LDB3: variants seen among roughly 807,000 people sequenced by gnomAD.
LDB3 encodes the protein LIM domain binding 3, also known as LIM domain-binding protein 3.
In LDB3, 49 loss-of-function variants were observed where a neutral mutation model predicts 69.0. The ratio of observed to expected loss-of-function variants is 0.71; its 90% CI spans 0.56 to 0.90. LDB3 has a LOEUF of 0.90. Ranked by LOEUF, LDB3 falls within the 40% of genes least tolerant of loss-of-function variation. The probability of loss-of-function intolerance (pLI) is 0.00; values close to 1 mark genes in which losing one functional copy is unlikely to be tolerated. For synonymous variants in LDB3, 387 were observed against 396.2 expected, an observed-to-expected ratio of 0.98 and a Z score of 0.28; for missense variants, 928 against 974.1, an observed-to-expected ratio of 0.95 and a Z score of 0.63.
chr10:86,681,382 T>G (rs1292727301), intron 4 of LDB3, 54 bp from the exon 5 acceptor site: 1 of 1,596,766 alleles, frequency 6.3e-7, no homozygotes, highest in Non-Finnish European at 8.5e-7. Flanking sequence ...CTGGGACGCG[T>G]GTGGCCTCTA....
intron 2 of LDB3, among the ~76,000 whole-genome samples, chr10:86,670,665 G>A (rs1172139473): frequency 2.0e-5 from 3 of 152,232 alleles, no homozygotes; most frequent in South Asian, 2.1e-4. Flanking sequence ...ACTCTGGGGA[G>A]GGGGTATGCA....
At chr10:86,705,968 C>T (rs887195831) in intron 7 of LDB3, among the ~76,000 whole-genome samples, 1 of 152,184 alleles carries the variant, frequency 6.6e-6, no homozygotes, top group Non-Finnish European at 1.5e-5. Flanking sequence ...GTCCAGGTAA[C>T]CTTGCTCTGC....
At chr10:86,674,706 G>C (rs1355318489) in intron 2 of LDB3, among the ~76,000 whole-genome samples, 1 of 152,122 alleles carries the variant, frequency 6.6e-6, no homozygotes, top group African/African-American at 2.4e-5. Flanking sequence ...AGATTAAAAA[G>C]AAAAAACCAC....
intron 12 of LDB3, among the ~76,000 whole-genome samples, chr10:86,722,383 C>T (rs139829177): frequency 0.01 from 1,549 of 152,036 alleles, 22 homozygotes; most frequent in African/African-American, 0.029. Context: ...GCCTCAGCCT[C>T]CCAAGTAGCT....
At chr10:86,717,325 T>C (rs1189036966) in intron 10 of LDB3, among the ~76,000 whole-genome samples, 3 of 152,218 alleles carry the variant, frequency 2.0e-5, no homozygotes, top group African/African-American at 7.2e-5. Context: ...AATACACTTT[T>C]ATTTAAAACT....
rs116632019 is a variant in LDB3, at chr10:86,709,093, A to G, written c.1086-812A>G. 5.3e-3 allele frequency among the ~76,000 whole-genome samples: 813 copies of G among 152,288 alleles called. 10 individuals carry two copies. Among genetic ancestry groups the G allele is most frequent in the African/African-American group, 0.018 (762 of 41,546 alleles). ...TTCTGCAAGGTGTTCATTAGTTTTA[A>G]ATGAAGAAAAGCATTTTACAAACAA... is the stretch of plus-strand genomic sequence containing the variant. On this transcript the variant is annotated intron_variant, in intron 8 of 13. Transcript: ENST00000361373.
intron 7 of LDB3, among the ~76,000 whole-genome samples, chr10:86,700,717 C>T (rs531663158): frequency 6.6e-6 from 1 of 152,312 alleles, no homozygotes; most frequent in East Asian, 1.9e-4. Context: ...AAAAAGATCC[C>T]AGCCAGGCCT....
At chr10:86,668,631 T>G (rs1589598644) in intron 1 of LDB3, 38 bp from the exon 2 acceptor site, 1 of 1,320,440 alleles carries the variant, frequency 7.6e-7, no homozygotes. Flanking sequence ...AGTGCCTGAG[T>G]GCCCTCTCAC....
chr10:86,727,022 T>TC (rs2132505214), intron 13 of LDB3, among the ~76,000 whole-genome samples: 1 of 151,722 alleles, frequency 6.6e-6, no homozygotes, highest in South Asian at 2.1e-4. Flanking sequence ...TGAGAATTTT[T>TC]TTTTTTTTTT....
intron 2 of LDB3, among the ~76,000 whole-genome samples, chr10:86,673,973 G>A (rs1175867965): frequency 3.3e-5 from 5 of 152,150 alleles, no homozygotes; most frequent in Non-Finnish European, 1.5e-5. Context: ...TCTTTCCCCT[G>A]GGCCTTGGAC....
chr10:86,732,823 G>C, intron 13 of LDB3, 64 bp from the exon 14 acceptor site: 1 of 1,365,694 alleles, frequency 7.3e-7, no homozygotes, highest in Non-Finnish European at 1.0e-6. Context: ...TCTTAAAAAA[G>C]TGATTGAAAT....
At chr10:86,707,080 G>A (rs17426017) in intron 8 of LDB3, among the ~76,000 whole-genome samples, 149 of 152,156 alleles carry the variant, frequency 9.8e-4, no homozygotes, top group African/African-American at 3.5e-3. Context: ...AGGGGACTGT[G>A]GAAAAAGTCT....
At position 86,718,096 on chromosome 10, in the gene LDB3, G is replaced by A. The variant is rs1846941911; in HGVS notation, c.1809G>A (p.Glu603=). 1 of 1,614,032 alleles carries A rather than the reference G, an allele frequency of 6.2e-7. No homozygotes were observed. The highest frequency in any genetic ancestry group is 1.1e-5 in the South Asian group (1 of 91,076). The change falls in exon 11 of 14, where the codon GAG becomes GAA. Residue 603 remains glutamate (E), a synonymous_variant. Transcript: ENST00000361373. ...QNNVYCERCY[E]QFFAPLCAKC... is the part of the protein sequence containing the mutation. ...ACGTTTACTGTGAGCGATGTTATGAGCAATTCTTTGCCCCGCTGTGTGCCA... is the reference window on the plus strand; with the variant it reads ...ACGTTTACTGTGAGCGATGTTATGAACAATTCTTTGCCCCGCTGTGTGCCA...
At chr10:86,727,473 G>A (rs532061003) in intron 13 of LDB3, among the ~76,000 whole-genome samples, 3 of 152,098 alleles carry the variant, frequency 2.0e-5, no homozygotes, top group African/African-American at 7.2e-5. Context: ...TAAAGTTTAC[G>A]GCCATATACT....
chr10:86,703,941 C>G (rs1442838706), intron 7 of LDB3, among the ~76,000 whole-genome samples: 3 of 151,910 alleles, frequency 2.0e-5, no homozygotes, highest in South Asian at 4.2e-4. Context: ...TGGTGAAACC[C>G]CAACTCTACT....
chr10:86,709,626 G>A (rs770915330), intron 8 of LDB3, among the ~76,000 whole-genome samples: 1 of 152,170 alleles, frequency 6.6e-6, no homozygotes, highest in Non-Finnish European at 1.5e-5. Context: ...AGTCCCACCT[G>A]GACAGTCTCT....
At chr10:86,730,238 C>T (rs940926980) in intron 13 of LDB3, among the ~76,000 whole-genome samples, 8 of 152,184 alleles carry the variant, frequency 5.3e-5, no homozygotes, top group African/African-American at 1.9e-4. Flanking sequence ...GCCCCAAGCT[C>T]AACTCAAGGG....
At chr10:86,721,152 GT>G (rs1370541656) in intron 12 of LDB3, among the ~76,000 whole-genome samples, 1 of 152,186 alleles carries the variant, frequency 6.6e-6, no homozygotes, top group Non-Finnish European at 1.5e-5. Context: ...ACCTCATACT[GT>G]TTTCCATAAC....
chr10:86,684,548 G>C (rs1014788928), intron 5 of LDB3, among the ~76,000 whole-genome samples: 17 of 152,380 alleles, frequency 1.1e-4, no homozygotes, highest in African/African-American at 3.6e-4. Flanking sequence ...TCCACTTGCA[G>C]CTATTTTGAG....
Sources: allele counts gnomAD v4.1 joint callset (sites outside exome capture counted in the v4.1 genomes callset), GRCh38; gene constraint gnomAD v4.1.1; transcripts MANE v1.5; gene names NCBI Gene and HGNC (gene_info 2026-07-23, HGNC 2026-07-21).